The following PTK7 variants were observed in gnomAD, a reference collection of about 807,000 sequenced individuals.
PTK7 encodes the protein inactive tyrosine-protein kinase 7.
A neutral mutation model predicts 116.6 loss-of-function variants in PTK7; 39 were observed. The ratio of observed to expected loss-of-function variants is 0.33; its 90% CI spans 0.26 to 0.44. The LOEUF (loss-of-function observed/expected upper bound fraction) is 0.44. Among genes scored for constraint, PTK7 ranks in the 20% least tolerant of loss-of-function variants. PTK7 has a pLI of 1.00. For synonymous variants in PTK7, 546 were observed against 563.6 expected (o/e 0.97, Z 0.44); for missense variants, 1,169 against 1,425.6 (o/e 0.82, Z 2.90).
In PTK7 at chr6:43,160,636, G is replaced by C; in HGVS notation, c.3053-85G>C. On this transcript the variant is annotated intron_variant, in intron 19 of 19. Coordinates refer to ENST00000230419, the MANE Select transcript of PTK7 (RefSeq NM_002821.5). ...GCCCCAGAGGCATCCTTGGGTGGCT[G>C]CTTGTATAAACTGCAAGGTCCACAA... 9.8e-6 allele frequency: 15 copies of C among 1,533,674 alleles called. 1 individual carries two copies. The Admixed American group carries it at 2.3e-4, about 24-fold the overall frequency.
At position 43,131,892 on chromosome 6, in the gene PTK7, C is replaced by G. The variant is rs555862795; in HGVS notation, c.813-124C>G. ...GTCTGGAGTGTCAGCTTCCTTCTCTCTGCCCTGTTCCTGGTCGATTCCTTA... is the reference window on the plus strand; with the variant it reads ...GTCTGGAGTGTCAGCTTCCTTCTCTGTGCCCTGTTCCTGGTCGATTCCTTA... On this transcript the variant is annotated intron_variant, in intron 5 of 19. Transcript: ENST00000230419. 6.8e-6 allele frequency: 9 copies of G among 1,326,542 alleles called. No individual in the cohort carries two copies. The African/African-American group carries it at 1.0e-4, about 15-fold the overall frequency. 82.2% of individuals were successfully genotyped at this position (1,326,542 alleles called of 1,614,324 possible).
At chr6:43,098,082 G>A (rs2150386581) in intron 1 of PTK7, among the ~76,000 whole-genome samples, 1 of 152,152 alleles carries the variant, frequency 6.6e-6, no homozygotes, top group African/African-American at 2.4e-5. Flanking sequence ...TTACGGTGAG[G>A]GGGTGAGGGT....
intron 1 of PTK7, among the ~76,000 whole-genome samples, chr6:43,084,122 C>A (rs1188532711): frequency 1.3e-5 from 2 of 152,060 alleles, no homozygotes; most frequent in African/African-American, 2.4e-5. Flanking sequence ...AAGGAAACTG[C>A]ATTTTAATTT....
intron 18 of PTK7, among the ~76,000 whole-genome samples, chr6:43,159,185 G>A (rs1178264453): frequency 6.6e-6 from 1 of 152,180 alleles, no homozygotes; most frequent in Admixed American, 6.5e-5. Context: ...TGTCTCTAGC[G>A]ATTAAATAAA....
Position 43,142,157 on chromosome 6 carries a change from C to T in PTK7, c.1920-15C>T, listed in dbSNP as rs757843685. The T allele has an allele frequency of 9.0e-5, 145 of 1,613,634 alleles. No homozygotes were observed. Among genetic ancestry groups the T allele is most frequent in the Non-Finnish European group, 1.2e-4 (142 of 1,179,852 alleles). Reference sequence around the variant, plus strand: ...CCCTGCGAGCTGGCCAGCACTATGGCTTCTCCCCCGACAGGATGCACATCT... The same window carrying T: ...CCCTGCGAGCTGGCCAGCACTATGGTTTCTCCCCCGACAGGATGCACATCT... On this transcript the variant is annotated splice_polypyrimidine_tract_variant and intron_variant, in intron 12 of 19. Coordinates refer to ENST00000230419, the MANE Select transcript of PTK7 (RefSeq NM_002821.5).
intron 1 of PTK7, among the ~76,000 whole-genome samples, chr6:43,111,819 C>A (rs1040851843): frequency 2.0e-5 from 3 of 151,412 alleles, no homozygotes; most frequent in African/African-American, 7.3e-5. Flanking sequence ...AGGTGCATAC[C>A]ACCATGCCCA....
At chr6:43,105,223 A>C (rs995415677) in intron 1 of PTK7, among the ~76,000 whole-genome samples, 3 of 151,336 alleles carry the variant, frequency 2.0e-5, no homozygotes, top group Non-Finnish European at 4.4e-5. Context: ...TCCTACAGAA[A>C]CCCTCTCATT....
At chr6:43,126,939 G>A (rs1561962517) in intron 1 of PTK7, among the ~76,000 whole-genome samples, 1 of 152,218 alleles carries the variant, frequency 6.6e-6, no homozygotes, top group South Asian at 2.1e-4. Flanking sequence ...ACTGGGTTTT[G>A]TGTCAGGAGA....
At chr6:43,086,409 ACT>A (rs758906017) in intron 1 of PTK7, among the ~76,000 whole-genome samples, 40 of 143,380 alleles carry the variant, frequency 2.8e-4, no homozygotes, top group Admixed American at 1.1e-3. Context: ...TCCAGGAGAC[ACT>A]CTGGCTTTTT....
chr6:43,104,092 A>G (rs542675390), intron 1 of PTK7, among the ~76,000 whole-genome samples: 168 of 152,308 alleles, frequency 1.1e-3, no homozygotes, highest in African/African-American at 3.9e-3. Context: ...TCATTCAGTA[A>G]TTTAATGACT....
At chr6:43,135,040 TA>T (rs1769944994) in intron 7 of PTK7, among the ~76,000 whole-genome samples, 1 of 152,174 alleles carries the variant, frequency 6.6e-6, no homozygotes. Context: ...ACCCAGGCTC[TA>T]GGGGTGGGAC....
intron 1 of PTK7, among the ~76,000 whole-genome samples, chr6:43,086,828 G>A (rs1212449941): frequency 1.3e-5 from 2 of 152,118 alleles, no homozygotes; most frequent in African/African-American, 4.8e-5. Context: ...CTGGGCACCT[G>A]AGCGAGACCC....
At chr6:43,124,624 C>A (rs1315993752) in intron 1 of PTK7, among the ~76,000 whole-genome samples, 1 of 151,716 alleles carries the variant, frequency 6.6e-6, no homozygotes, top group Non-Finnish European at 1.5e-5. Context: ...TGCAGTGAGC[C>A]GTGATGGCAC....
At chr6:43,121,086 G>C (rs1225725830) in intron 1 of PTK7, among the ~76,000 whole-genome samples, 1 of 124,874 alleles carries the variant, frequency 8.0e-6, no homozygotes, top group Non-Finnish European at 1.6e-5. Context: ...TGACTATGTT[G>C]CTCAGGCGGA....
intron 18 of PTK7, 109 bp from the exon 19 acceptor site, chr6:43,159,679 G>C: frequency 3.5e-6 from 4 of 1,153,772 alleles, no homozygotes; most frequent in Non-Finnish European, 5.1e-6. Context: ...TCTGTATGTA[G>C]AAAGGCTGGG....
At chr6:43,144,280 C>G in intron 14 of PTK7, 171 bp from the exon 15 acceptor site, 2 of 745,214 alleles carry the variant, frequency 2.7e-6, no homozygotes, top group African/African-American at 3.5e-5. Flanking sequence ...CCATACATCC[C>G]CCACCCAGCC....
intron 1 of PTK7, among the ~76,000 whole-genome samples, chr6:43,115,884 C>T (rs971880416): frequency 2.7e-5 from 4 of 148,020 alleles, no homozygotes; most frequent in Admixed American, 6.8e-5. Flanking sequence ...GCCAAGATCG[C>T]GCCACTGCAC....
chr6:43,132,709 G>A (rs765601679), intron 7 of PTK7, 22 bp downstream of exon 7: 18 of 1,553,570 alleles, frequency 1.2e-5, no homozygotes, highest in Non-Finnish European at 1.6e-5. Context: ...TGCCCTGAAG[G>A]TCAAGGAGAG....
rs1448343614 is a variant in PTK7, at chr6:43,129,116, G to A, written c.219G>A (p.Gln73=). 1.2e-6 allele frequency: 2 copies of A among 1,614,078 alleles called. No homozygotes were observed. The highest frequency in any genetic ancestry group is 1.7e-6 in the Non-Finnish European group (2 of 1,180,052). ...VYWLLDGAPV[Q]DTERRFAQGS... ...GGCTGCTCGATGGGGCCCCTGTCCAGGACACGGAGCGGCGTTTCGCCCAGG... is the reference window on the plus strand; with the variant it reads ...GGCTGCTCGATGGGGCCCCTGTCCAAGACACGGAGCGGCGTTTCGCCCAGG... The change falls in exon 2 of 20, where the codon CAG becomes CAA. Residue 73 remains glutamine (Q), a synonymous_variant. Transcript: ENST00000230419. The surrounding 1 kb of genome is among the most constrained non-coding windows in gnomAD (Gnocchi z 4.5).
Sources: gnomAD v4.1 joint callset for allele counts (sites outside exome capture counted in the v4.1 genomes callset) on GRCh38, gnomAD v4.1.1 for gene constraint, Gnocchi (gnomAD v3.1) non-coding constraint, MANE v1.5 for transcripts, NCBI Gene and HGNC (gene_info 2026-07-23, HGNC 2026-07-21) for gene names.